The following ZNF568 variants were observed in gnomAD, a reference collection of about 807,000 sequenced individuals.
The protein encoded by ZNF568 is p53 inhibitor of SCO2 activation.
ZNF568 carries 11 observed loss-of-function variants against 18.1 expected under a neutral mutation model. The ratio of observed to expected loss-of-function variants is 0.61; its 90% CI spans 0.38 to 1.00. The LOEUF is 1.00. Ranked by LOEUF, ZNF568 falls within the 50% of genes least tolerant of loss-of-function variation. The pLI is 0.01. For synonymous variants in ZNF568, 213 were observed against 246.6 expected (o/e 0.86, Z 1.28); for missense variants, 639 against 768.2 (o/e 0.83, Z 1.99).
intron 6 of ZNF568, among the ~76,000 whole-genome samples, chr19:36,971,846 C>CT (rs10672807): frequency 0.2 from 28,356 of 142,836 alleles, 2,984 homozygotes; most frequent in African/African-American, 0.28. Context: ...CTATTTATAA[C>CT]TTTTTTTTTT....
chr19:36,956,820 A>C (rs112802674), downstream of ZNF568, among the ~76,000 whole-genome samples: 1,984 of 151,434 alleles, frequency 0.013, 46 homozygotes, highest in African/African-American at 0.045. Context: ...CTGGTCTTGA[A>C]CTCCTGGCCT....
Position 36,949,946 on chromosome 19 carries a change from C to A in ZNF568, c.793C>A (p.Leu265Ile), listed in dbSNP as rs1457077924. 1.2e-6 allele frequency: 2 copies of A among 1,613,668 alleles called. No individual in the cohort carries two copies. The highest frequency in any genetic ancestry group is 1.7e-6 in the Non-Finnish European group (2 of 1,179,940). The change falls in exon 7 of 7, where the codon CTT becomes ATT. Residue 265 changes from leucine to isoleucine, a missense_variant. By Grantham distance (5) the Leu-to-Ile change is conservative. Transcript: ENST00000333987. ...CGKAFSRKEN[L>I]ITHQKIHTGE... ...AAAAGCCTTCAGTAGGAAGGAAAATCTTATTACACATCAGAAAATTCATAC... is the reference window on the plus strand; with the variant it reads ...AAAAGCCTTCAGTAGGAAGGAAAATATTATTACACATCAGAAAATTCATAC...
intron 2 of ZNF568, among the ~76,000 whole-genome samples, chr19:36,920,782 G>A (rs573119256): frequency 3.1e-4 from 32 of 103,250 alleles, no homozygotes; most frequent in African/African-American, 1.5e-3. Flanking sequence ...AGGCCTTTGC[G>A]TTCACTCGCC....
chr19:36,926,608 C>T (rs2073558838), intron 4 of ZNF568, among the ~76,000 whole-genome samples: 1 of 152,076 alleles, frequency 6.6e-6, no homozygotes, highest in South Asian at 2.1e-4. Flanking sequence ...GTAACAAGTA[C>T]CCCATAAATG....
At chr19:36,940,311 T>C (rs2073859282) in intron 6 of ZNF568, among the ~76,000 whole-genome samples, 1 of 152,232 alleles carries the variant, frequency 6.6e-6, no homozygotes, top group South Asian at 2.1e-4. Flanking sequence ...AACTTTAATA[T>C]CATTTTCTAA....
chr19:36,974,600 T>A, intron 7 of ZNF568: 2 of 913,146 alleles, frequency 2.2e-6, no homozygotes, highest in Non-Finnish European at 3.3e-6. Flanking sequence ...TGCATTTATG[T>A]AGCATTTTCC....
intron 6 of ZNF568, among the ~76,000 whole-genome samples, chr19:36,964,292 A>G (rs1298647941): frequency 2.0e-5 from 3 of 152,170 alleles, no homozygotes; most frequent in African/African-American, 4.8e-5. Flanking sequence ...GGGAGGGTCC[A>G]AGTCACATAA....
In ZNF568 at chr19:36,922,747, C is replaced by T; in HGVS notation, c.-24C>T. ...GTTGCTGGAGCTTGTCTTGACCCTT[C>T]TGCCCAGAGCAGGCAGGGTCTGAAT... On this transcript the variant is annotated 5_prime_UTR_variant, in exon 3 of 7. Coordinates refer to ENST00000333987, the MANE Select transcript of ZNF568 (RefSeq NM_198539.4). 2 of 1,611,948 alleles carry T rather than the reference C, an allele frequency of 1.2e-6. No individual in the cohort carries two copies. Among genetic ancestry groups the T allele is most frequent in the Non-Finnish European group, 8.5e-7 (1 of 1,178,464 alleles).
intron 2 of ZNF568, among the ~76,000 whole-genome samples, chr19:36,985,440 A>G (rs1219776168): frequency 6.6e-6 from 1 of 152,214 alleles, no homozygotes; most frequent in Non-Finnish European, 1.5e-5. Flanking sequence ...AAAAGTTGAA[A>G]CAATTGCATG....
In ZNF568 at chr19:36,950,126, G is replaced by A; in HGVS notation, c.973G>A (p.Glu325Lys). ...TCAGAAATCAAATCTCATTGAACAT[G>A]AGCGAATTCACACTGGAGAGAAACC... ...FSQKSNLIEH[E>K]RIHTGEKPYE... Residue 325 changes from glutamate to lysine, a missense_variant, in exon 7 of 7, where the codon GAG becomes AAG. Glu to Lys is a moderately conservative substitution (Grantham distance 56). Transcript: ENST00000333987. 6.2e-7 allele frequency: 1 copy of A among 1,613,754 alleles called. No individual in the cohort carries two copies. The highest frequency in any genetic ancestry group is 8.5e-7 in the Non-Finnish European group (1 of 1,179,916).
intron 4 of ZNF568, chr19:36,996,187 C>T (rs1200193231): frequency 1.4e-5 from 11 of 775,200 alleles, no homozygotes; most frequent in South Asian, 6.2e-5. Flanking sequence ...TTTCACTTCC[C>T]TTTTTTTTTG....
intron 6 of ZNF568, among the ~76,000 whole-genome samples, chr19:36,963,965 A>C (rs1022013944): frequency 1.6e-5 from 2 of 124,820 alleles, no homozygotes; most frequent in Non-Finnish European, 3.2e-5. Context: ...GACTCAGTCA[A>C]AAAAAGTAAG....
chr19:36,989,481 G>A (rs2074405606), intron 2 of ZNF568, among the ~76,000 whole-genome samples: 1 of 152,132 alleles, frequency 6.6e-6, no homozygotes, highest in South Asian at 2.1e-4. Context: ...ACCATGCCTG[G>A]CCAAGGCTGC....
Position 36,967,464 on chromosome 19 carries a change from G to A in ZNF568, c.359-6956G>A, listed in dbSNP as rs575024659. On this transcript the variant is annotated intron_variant, in intron 6 of 7. Transcript: ENST00000427117. ...TGTAATCCCAGCTACTTGGGAGGCT[G>A]AGGCACGAGAATCACTTGAACCCGA... 2.0e-5 allele frequency among the ~76,000 whole-genome samples: 3 copies of A among 152,242 alleles called. No individual in the cohort carries two copies. The East Asian group carries it at 5.8e-4, about 29-fold the overall frequency.
chr19:36,973,624 A>G (rs997076773), intron 6 of ZNF568: 1 of 152,946 alleles, frequency 6.5e-6, no homozygotes, highest in African/African-American at 2.4e-5. Context: ...TGTCTGGACT[A>G]AAAGTCCGGG....
exon 8 of ZNF568, chr19:36,979,863 A>G (rs2074317110): frequency 6.6e-6 from 1 of 152,178 alleles, no homozygotes; most frequent in South Asian, 2.1e-4. Flanking sequence ...TTTACTTCGT[A>G]TCCTCACCAA....
intron 6 of ZNF568, among the ~76,000 whole-genome samples, chr19:36,940,808 G>A (rs1475755600): frequency 2.0e-5 from 3 of 152,152 alleles, no homozygotes; most frequent in Non-Finnish European, 4.4e-5. Context: ...CCATTTTCCT[G>A]TAAGATCTAT....
downstream of ZNF568, chr19:36,997,535 G>A (rs945676870): frequency 6.3e-7 from 1 of 1,587,906 alleles, no homozygotes; most frequent in Non-Finnish European, 8.5e-7. Flanking sequence ...AGTCACACTG[G>A]TGAGAAACCC....
chr19:36,922,120 A>G (rs2073466733), intron 2 of ZNF568, among the ~76,000 whole-genome samples: 1 of 152,144 alleles, frequency 6.6e-6, no homozygotes, highest in Non-Finnish European at 1.5e-5. Flanking sequence ...TTATCTCACA[A>G]TTTCTGTGGG....
Sources: gnomAD v4.1 joint callset for allele counts (sites outside exome capture counted in the v4.1 genomes callset) on GRCh38, gnomAD v4.1.1 for gene constraint, MANE v1.5 for transcripts, NCBI Gene and HGNC (gene_info 2026-07-23, HGNC 2026-07-21) for gene names.